The following CEP89 variants were observed in gnomAD, a reference collection of about 807,000 sequenced individuals.
CEP89 encodes the protein centrosomal protein of 89 kDa.
In CEP89, 95 loss-of-function variants were observed where a neutral mutation model predicts 97.6. That is an observed-to-expected ratio of 0.97 (90% confidence interval 0.82 to 1.15). The LOEUF (loss-of-function observed/expected upper bound fraction) is 1.15. Among genes scored for constraint, CEP89 ranks in the 50% most tolerant of loss-of-function variants. The pLI is 0.00. For missense variants in CEP89, 869 were observed against 947.7 expected (o/e 0.92, Z 1.09); for synonymous variants, 354 against 349.1 (o/e 1.01, Z -0.16).
chr19:32,919,857 C>T (rs900577523), intron 12 of CEP89, among the ~76,000 whole-genome samples: 1 of 152,100 alleles, frequency 6.6e-6, no homozygotes, highest in Admixed American at 6.6e-5. Context: ...TGTTGGCCAG[C>T]CTAGTCTCGA....
intron 17 of CEP89, 121 bp from the exon 18 acceptor site, chr19:32,882,134 G>T: frequency 1.3e-6 from 1 of 759,944 alleles, no homozygotes. Context: ...TAGCAACCCC[G>T]GATAAGTTTG....
intron 16 of CEP89, among the ~76,000 whole-genome samples, chr19:32,893,404 A>C (rs1005381942): frequency 3.9e-5 from 6 of 152,208 alleles, no homozygotes; most frequent in Non-Finnish European, 8.8e-5. Flanking sequence ...TTAGATCTAA[A>C]AGGGGAGATA....
chr19:32,885,345 G>C (rs1969372419), intron 17 of CEP89, among the ~76,000 whole-genome samples: 1 of 152,178 alleles, frequency 6.6e-6, no homozygotes, highest in Non-Finnish European at 1.5e-5. Flanking sequence ...TGTTGAGACA[G>C]GGTCTTGCTC....
chr19:32,918,294 C>G lies in CEP89; in HGVS notation c.1314G>C (p.Lys438Asn). ...TQAKLVLEEN[K>N]LLLEQLEIQQ... ...GAATCTCCAACTGCTCCAGCAACAA[C>G]TTGTTTTCCTCTAAAACCAGTTTTG... Residue 438 changes from lysine to asparagine, a missense_variant, in exon 13 of 19, where the codon AAG becomes AAC. Physicochemically the swap from Lys to Asn is moderately conservative, Grantham distance 94. Transcript: ENST00000305768. 1 of 1,614,192 alleles carries G rather than the reference C, an allele frequency of 6.2e-7. No homozygotes were observed. Among genetic ancestry groups the G allele is most frequent in the Non-Finnish European group, 8.5e-7 (1 of 1,180,032 alleles).
intron 1 of CEP89, chr19:32,970,283 T>C (rs1372148262): frequency 6.6e-6 from 1 of 152,238 alleles, no homozygotes; most frequent in South Asian, 2.1e-4. Flanking sequence ...GGCTTGTCTA[T>C]CCTACAGACC....
chr19:32,945,284 CAAAAAAAA>C (rs10709515), intron 5 of CEP89, among the ~76,000 whole-genome samples: 4 of 95,870 alleles, frequency 4.2e-5, no homozygotes, highest in East Asian at 3.0e-4. Context: ...AACTATGTTT[CAAAAAAAA>C]AAAAAAAAAA....
intron 2 of CEP89, among the ~76,000 whole-genome samples, chr19:32,965,589 G>A (rs998278264): frequency 3.3e-5 from 5 of 150,876 alleles, no homozygotes; most frequent in African/African-American, 7.3e-5. Flanking sequence ...CCAGCTACCC[G>A]GCGGGCTGAG....
intron 4 of CEP89, among the ~76,000 whole-genome samples, chr19:32,952,475 C>T (rs12973891): frequency 7.0e-6 from 1 of 142,468 alleles, no homozygotes; most frequent in Non-Finnish European, 1.5e-5. Flanking sequence ...GAGACCCCAT[C>T]TCAATTTAAA....
chr19:32,934,668 T>C (rs1599755759), intron 7 of CEP89, among the ~76,000 whole-genome samples: 1 of 152,136 alleles, frequency 6.6e-6, no homozygotes, highest in African/African-American at 2.4e-5. Context: ...AAGGGAACCC[T>C]GAGAAATCCC....
At chr19:32,915,649 G>A (rs770946207) in intron 13 of CEP89, 132 bp from the exon 14 acceptor site, 86 of 784,670 alleles carry the variant, frequency 1.1e-4, no homozygotes, top group Non-Finnish European at 1.6e-4. Context: ...AGCCAGACGT[G>A]GTGGCTCACA....
intron 9 of CEP89, among the ~76,000 whole-genome samples, chr19:32,929,296 T>C (rs1013345619): frequency 2.0e-5 from 3 of 152,132 alleles, no homozygotes; most frequent in Admixed American, 1.3e-4. Context: ...AACAAAAGTC[T>C]GCAATGGTTT....
Position 32,887,783 on chromosome 19 carries a change from A to G in CEP89, c.1934T>C (p.Ile645Thr). 2 of 1,613,446 alleles carry G rather than the reference A, an allele frequency of 1.2e-6. No homozygotes were observed. Among genetic ancestry groups the G allele is most frequent in the South Asian group, 1.1e-5 (1 of 91,060 alleles). Residue 645 changes from isoleucine to threonine, a missense_variant, in exon 17 of 19, where the codon ATT becomes ACT. Coordinates refer to ENST00000305768, the MANE Select transcript of CEP89 (RefSeq NM_032816.5). ...TTTTTCCTCTAACTTTCCCAGGCGA[A>G]TGTTGCTTTTTATGACTTTATTAAG... ...GVLNKVIKSN[I>T]RLGKLEEKVK... is the part of the protein sequence containing the mutation.
At chr19:32,961,766 C>A (rs1052493897) in intron 2 of CEP89, among the ~76,000 whole-genome samples, 2 of 151,836 alleles carry the variant, frequency 1.3e-5, no homozygotes, top group African/African-American at 2.4e-5. Context: ...ACCTCAGTAT[C>A]TTGAATAGCT....
intron 14 of CEP89, among the ~76,000 whole-genome samples, chr19:32,904,911 T>C (rs1433777630): frequency 6.6e-6 from 1 of 151,906 alleles, no homozygotes; most frequent in Non-Finnish European, 1.5e-5. Context: ...TTTCTACACA[T>C]TTTTTTCCTA....
intron 16 of CEP89, among the ~76,000 whole-genome samples, chr19:32,890,144 C>T (rs1470252979): frequency 2.0e-5 from 3 of 152,142 alleles, no homozygotes; most frequent in Non-Finnish European, 2.9e-5. Flanking sequence ...CGGTGGTTCA[C>T]GCCTGTAATC....
Position 32,887,813 on chromosome 19 carries a change from C to T in CEP89, c.1904G>A (p.Gly635Glu). 2 of 1,612,658 alleles carry T rather than the reference C, an allele frequency of 1.2e-6. No homozygotes were observed. Among genetic ancestry groups the T allele is most frequent in the Non-Finnish European group, 1.7e-6 (2 of 1,178,802 alleles). Residue 635 changes from glycine to glutamate, a missense_variant, in exon 17 of 19, where the codon GGA becomes GAA. By Grantham distance (98) the Gly-to-Glu change is moderately conservative. Coordinates refer to ENST00000305768, the MANE Select transcript of CEP89 (RefSeq NM_032816.5). ...GCTTTTTATGACTTTATTAAGCACT[C>T]CATCCTTCTCACTTTCTAAACATTT... ...LAKCLESEKDGVLNKVIKSNI... is the reference protein window; with the variant it reads ...LAKCLESEKDEVLNKVIKSNI...
At chr19:32,924,604 C>T (rs1970318163) in intron 11 of CEP89, among the ~76,000 whole-genome samples, 1 of 152,156 alleles carries the variant, frequency 6.6e-6, no homozygotes, top group African/African-American at 2.4e-5. Flanking sequence ...TGCCTACACC[C>T]TTTTAACTTA....
Position 32,897,712 on chromosome 19 carries a change from C to T in CEP89, c.1875+2145G>A, listed in dbSNP as rs542531727. ...GAGTAGCTGAAACCACAGGCATGCA[C>T]CACTATGCCTGGCTAAGTTTTTCGT... On this transcript the variant is annotated intron_variant, in intron 16 of 18. Transcript: ENST00000305768. Among the ~76,000 whole-genome samples, 19 of 152,260 alleles carry T rather than the reference C, an allele frequency of 1.2e-4. 3 individuals carry two copies. The South Asian group carries it at 1.5e-3, about 12-fold the overall frequency.
chr19:32,900,097 A>T lies in CEP89; in HGVS notation c.1734-99T>A, dbSNP rs533922077. ...TTACAAAAACAGCAAGTATGTTAGC[A>T]TTTAAATGCTATTCTTCAGCAACCT... On this transcript the variant is annotated intron_variant, in intron 15 of 18. Coordinates refer to ENST00000305768, the MANE Select transcript of CEP89 (RefSeq NM_032816.5). The T allele has an allele frequency of 3.6e-6, 4 of 1,110,354 alleles. No homozygotes were observed. In the South Asian group the frequency reaches 5.7e-5, roughly 16 times the overall value. The allele number at this position is 1,110,354 out of a possible 1,614,324, so 68.8% of individuals were successfully genotyped here. A position where few individuals can be genotyped will look rare whatever the true frequency, so the allele number is the denominator to read the frequency against.
Sources: gnomAD v4.1 joint callset for allele counts (sites outside exome capture counted in the v4.1 genomes callset) on GRCh38, gnomAD v4.1.1 for gene constraint, MANE v1.5 for transcripts, NCBI Gene and HGNC (gene_info 2026-07-23, HGNC 2026-07-21) for gene names.